PRDM1: variants seen among roughly 807,000 people sequenced by gnomAD.
The protein encoded by PRDM1 is PR domain zinc finger protein 1.
PRDM1 carries 13 observed loss-of-function variants against 62.8 expected under a neutral mutation model. The ratio of observed to expected loss-of-function variants is 0.21; its 90% CI spans 0.13 to 0.33. The LOEUF (loss-of-function observed/expected upper bound fraction) is 0.33, where lower values mean the gene tolerates loss of function less well. Ranked by LOEUF, PRDM1 falls within the 10% of genes least tolerant of loss-of-function variation. The probability of loss-of-function intolerance (pLI) is 1.00; values close to 1 mark genes in which losing one functional copy is unlikely to be tolerated. For missense variants in PRDM1, 895 were observed against 1,058.8 expected (o/e 0.85, Z 2.15); for synonymous variants, 396 against 417.6 (o/e 0.95, Z 0.63).
At chr6:106,072,528 A>T (rs1382259797) in intron 1 of PRDM1, among the ~76,000 whole-genome samples, 1 of 152,216 alleles carries the variant, frequency 6.6e-6, no homozygotes, top group African/African-American at 2.4e-5. Context: ...TATAGAGAGA[A>T]CAATTCCCTC....
At chr6:106,098,670 T>C (rs1356559100) in intron 3 of PRDM1, 1 of 1,353,394 alleles carries the variant, frequency 7.4e-7, no homozygotes, top group African/African-American at 1.5e-5. Context: ...GTGTTCGCTT[T>C]GTTATGGCAG....
intron 1 of PRDM1, among the ~76,000 whole-genome samples, chr6:106,068,403 C>G (rs1773465731): frequency 6.6e-6 from 1 of 152,098 alleles, no homozygotes; most frequent in Non-Finnish European, 1.5e-5. Flanking sequence ...ACCCTGTTCT[C>G]CTCAGAGTAG....
rs911352761 is a variant in PRDM1 at position 106,108,330 on chromosome 6, C to A, written c.*844C>A. On this transcript the variant is annotated 3_prime_UTR_variant, in exon 7 of 7. Transcript: ENST00000369096. ...GAATCCTCCCACCGCCCTGCCCTCC[C>A]CACCGAGTCCTGTGGCCATTCAGAG... The A allele has an allele frequency of 8.6e-6, 2 of 233,578 alleles. No homozygotes were observed. The highest frequency in any genetic ancestry group is 6.0e-5 in the East Asian group (1 of 16,718). 14.5% of individuals were successfully genotyped at this position (233,578 alleles called of 1,614,324 possible).
At chr6:106,045,202 G>A (rs753206114), upstream of PRDM1, among the ~76,000 whole-genome samples, 16 of 152,142 alleles carry the variant, frequency 1.1e-4, no homozygotes, top group Non-Finnish European at 2.4e-4. Context: ...TTATGACATT[G>A]TTCAGGTGAG....
chr6:106,081,428 G>T (rs965287691), upstream of PRDM1, among the ~76,000 whole-genome samples: 2 of 152,146 alleles, frequency 1.3e-5, no homozygotes, highest in African/African-American at 2.4e-5. Context: ...GCATTTCCCA[G>T]GTTCACAGTT....
rs1271258830 is a variant in PRDM1 at position 106,107,365 on chromosome 6, C to A, written c.2357C>A (p.Ser786Tyr). The change falls in exon 7 of 7, where the codon TCC (serine) becomes TAC (tyrosine). Residue 786 changes from serine to tyrosine, a missense_variant. This residue lies in a region of PRDM1 where 164 missense variants were observed against 179.9 expected (regional missense o/e 0.91). Coordinates refer to ENST00000369096, the MANE Select transcript of PRDM1 (RefSeq NM_001198.4). ...LQRNMGNGLLSSGCSLYESSD... is the reference protein window; with the variant it reads ...LQRNMGNGLLYSGCSLYESSD... ...AGAAACATGGGGAATGGACTCCTCT[C>A]CTCAGGGTGCAGCCTTTATGAGTCA... 1 of 1,614,140 alleles carries A rather than the reference C, an allele frequency of 6.2e-7. No individual in the cohort carries two copies. Among genetic ancestry groups the A allele is most frequent in the Admixed American group, 1.7e-5 (1 of 60,022 alleles).
intron 1 of PRDM1, among the ~76,000 whole-genome samples, chr6:106,062,649 A>G (rs1228147187): frequency 6.6e-6 from 1 of 152,242 alleles, no homozygotes; most frequent in Non-Finnish European, 1.5e-5. Flanking sequence ...TAGCTTTCAA[A>G]GCGTTTTCCA....
intron 1 of PRDM1, among the ~76,000 whole-genome samples, chr6:106,081,211 C>T (rs906093470): frequency 5.3e-5 from 8 of 152,138 alleles, no homozygotes; most frequent in African/African-American, 1.7e-4. Flanking sequence ...TTGGTTTAGG[C>T]GGGTTGAACT....
Position 105,994,427 on chromosome 6 carries a change from G to A in PRDM1, c.-67+788G>A, listed in dbSNP as rs1186816596. 1.3e-5 allele frequency among the ~76,000 whole-genome samples: 2 copies of A among 151,736 alleles called. No homozygotes were observed. The highest frequency in any genetic ancestry group is 2.9e-5 in the Non-Finnish European group (2 of 67,946). ...CAGCGACGCTTCCGCTGGAAGACGAGCGGGGACGCGTGACAGCGCGGGGAT... is the reference window on the plus strand; with the variant it reads ...CAGCGACGCTTCCGCTGGAAGACGAACGGGGACGCGTGACAGCGCGGGGAT... On this transcript the variant is annotated intron_variant, in intron 1 of 6. Transcript: ENST00000652320. The surrounding 1 kb of genome is among the most constrained non-coding windows in gnomAD (Gnocchi z 4.1).
chr6:106,098,635 C>G (rs1410254554), intron 3 of PRDM1: 2 of 1,330,210 alleles, frequency 1.5e-6, no homozygotes, highest in Non-Finnish European at 2.0e-6. Context: ...CAGTAATAGA[C>G]TGTCAAATTC....
At chr6:106,090,904 A>G (rs2114622905) in intron 2 of PRDM1, among the ~76,000 whole-genome samples, 1 of 151,734 alleles carries the variant, frequency 6.6e-6, no homozygotes, top group South Asian at 2.1e-4. Context: ...TGGTTAAAAC[A>G]AAACATACAA....
At chr6:106,101,704 A>C (rs1774278610) in intron 4 of PRDM1, among the ~76,000 whole-genome samples, 1 of 152,188 alleles carries the variant, frequency 6.6e-6, no homozygotes, top group Admixed American at 6.5e-5. Flanking sequence ...CATCAGGCCT[A>C]ATAGGTAGAT....
At position 106,106,953 on chromosome 6, in the gene PRDM1, C is replaced by T. The variant is rs758646294; in HGVS notation, c.1945C>T (p.His649Tyr). The T allele has an allele frequency of 6.2e-7, 1 of 1,614,116 alleles. No homozygotes were observed. The highest frequency in any genetic ancestry group is 8.5e-7 in the Non-Finnish European group (1 of 1,180,020). The change falls in exon 7 of 7, where the codon CAC (histidine) becomes TAC (tyrosine). Residue 649 changes from histidine to tyrosine, a missense_variant. His to Tyr is a moderately conservative substitution (Grantham distance 83). Transcript: ENST00000369096. This position sits in a 1 kb window ranked among gnomAD's most constrained non-coding sequence, Gnocchi z 4.4. ...RFSSTSNLKTHLRLHSGEKPY... is the reference protein window; with the variant it reads ...RFSSTSNLKTYLRLHSGEKPY... The stretch of plus-strand genomic sequence containing the variant: ...TAGCAGCACCAGCAATCTCAAGACC[C>T]ACCTGCGACTCCATTCTGGAGAGAA...
chr6:106,101,267 C>T (rs1439735439), intron 4 of PRDM1, among the ~76,000 whole-genome samples: 1 of 152,124 alleles, frequency 6.6e-6, no homozygotes, highest in Admixed American at 6.5e-5. Flanking sequence ...AGGTGACCTA[C>T]CCCAGTGACT....
chr6:105,995,772 A>C (rs1772343134), intron 1 of PRDM1, among the ~76,000 whole-genome samples: 1 of 152,108 alleles, frequency 6.6e-6, no homozygotes, highest in South Asian at 2.1e-4. Context: ...ATTAGGAGGC[A>C]CAATGAAGTT....
chr6:106,051,819 C>A (rs1341373793), intron 1 of PRDM1, among the ~76,000 whole-genome samples: 1 of 152,084 alleles, frequency 6.6e-6, no homozygotes, highest in East Asian at 1.9e-4. Context: ...ATGGTGTTGC[C>A]TGTATATTTT....
chr6:106,102,734 T>C (rs535888759), intron 4 of PRDM1, among the ~76,000 whole-genome samples: 6 of 152,186 alleles, frequency 3.9e-5, no homozygotes, highest in Non-Finnish European at 8.8e-5. Context: ...CAAGGGAGTG[T>C]GGAAGCCACT....
At chr6:106,089,675 A>T (rs1329818238) in intron 2 of PRDM1, among the ~76,000 whole-genome samples, 3 of 152,232 alleles carry the variant, frequency 2.0e-5, no homozygotes, top group Non-Finnish European at 2.9e-5. Context: ...GTTACCAAAA[A>T]ATTTAACCCC....
upstream of PRDM1, among the ~76,000 whole-genome samples, chr6:106,045,208 G>A (rs375406760): frequency 9.5e-4 from 144 of 152,226 alleles, no homozygotes; most frequent in African/African-American, 3.0e-3. Context: ...CATTGTTCAG[G>A]TGAGTGGGAA....
Sources: allele counts gnomAD v4.1 joint callset (sites outside exome capture counted in the v4.1 genomes callset), GRCh38; gene constraint gnomAD v4.1.1; regional missense constraint gnomAD v4.1.1; non-coding constraint Gnocchi (gnomAD v3.1); transcripts MANE v1.5; gene names NCBI Gene and HGNC (gene_info 2026-07-23, HGNC 2026-07-21).